ADH1B: variants seen among roughly 807,000 people sequenced by gnomAD.
ADH1B encodes the protein alcohol dehydrogenase 1B (class I), beta polypeptide, also known as all-trans-retinol dehydrogenase [NAD(+)] ADH1B.
ADH1B carries 29 observed loss-of-function variants against 34.6 expected under a neutral mutation model. The ratio of observed to expected loss-of-function variants is 0.84; its 90% confidence interval spans 0.62 to 1.14. ADH1B has a LOEUF of 1.14. Ranked by LOEUF, ADH1B falls within the 50% of genes most tolerant of loss-of-function variation. The pLI is 0.00. For synonymous variants in ADH1B, 170 were observed against 175.5 expected (o/e 0.97, Z 0.25); for missense variants, 424 against 468.4 (o/e 0.91, Z 0.87).
chr4:99,316,361 G>T (rs1222730909), intron 3 of ADH1B, 59 bp from the exon 4 acceptor site: 5 of 1,510,628 alleles, frequency 3.3e-6, no homozygotes, highest in Non-Finnish European at 4.6e-6. Context: ...ATAGAGCAAA[G>T]ACTTAAAGCT....
Position 99,307,108 on chromosome 4 carries a change from T to C in ADH1B, c.*732A>G, listed in dbSNP as rs1013991964. ...AAAATTACAGATTTTTTGAACATGA[T>C]TCTGGGAATAGTTCAGTTTTTACAA... On this transcript the variant is annotated 3_prime_UTR_variant, in exon 9 of 9. Transcript: ENST00000305046. 1 of 152,220 alleles carries C rather than the reference T, an allele frequency of 6.6e-6. No individual in the cohort carries two copies. Among genetic ancestry groups the C allele is most frequent in the Non-Finnish European group, 1.5e-5 (1 of 68,044 alleles). 9.4% of individuals were successfully genotyped at this position (152,220 alleles called of 1,614,324 possible).
chr4:99,315,749 T>A, intron 5 of ADH1B, 149 bp downstream of exon 5: 1 of 871,806 alleles, frequency 1.1e-6, no homozygotes, highest in Non-Finnish European at 1.8e-6. Context: ...TTCTAGCATG[T>A]GTACTCAATT....
At chr4:99,312,219 GT>G (rs1733770715) in intron 6 of ADH1B, among the ~76,000 whole-genome samples, 1 of 152,172 alleles carries the variant, frequency 6.6e-6, no homozygotes. Flanking sequence ...ATAATGATTA[GT>G]TCTTTGATTT....
At chr4:99,320,182 T>C (rs975646940) in intron 1 of ADH1B, 4 of 152,128 alleles carry the variant, frequency 2.6e-5, no homozygotes, top group Non-Finnish European at 5.9e-5. Flanking sequence ...TATGTAGTCT[T>C]TTATGTCTTA....
Position 99,311,616 on chromosome 4 carries a change from C to T in ADH1B, c.869G>A (p.Ser290Asn), listed in dbSNP as rs201408613. 135 of 1,613,892 alleles carry T rather than the reference C, an allele frequency of 8.4e-5. No individual in the cohort carries two copies. Among genetic ancestry groups the T allele is most frequent in the Middle Eastern group, 8.2e-4 (5 of 6,082 alleles). ...LLCCHEACGT[S>N]VIVGVPPASQ... ...AGCAGGAGGTACCCCTACGATGACG[C>T]TTGTGCCACATGCCTCATGACAACA... Residue 290 changes from serine to asparagine, a missense_variant, in exon 7 of 9, where the codon AGC (serine) becomes AAC (asparagine). This residue lies in a region of ADH1B where 130 missense variants were observed against 151.8 expected (regional missense o/e 0.86). Transcript: ENST00000305046.
chr4:99,311,916 C>T (rs1733764224), intron 6 of ADH1B, among the ~76,000 whole-genome samples: 1 of 152,072 alleles, frequency 6.6e-6, no homozygotes, highest in African/African-American at 2.4e-5. Context: ...ATTTTGAACC[C>T]AGTACTTTCA....
At chr4:99,318,439 T>C (rs142801387) in intron 2 of ADH1B, 105 of 547,904 alleles carry the variant, frequency 1.9e-4, no homozygotes, top group African/African-American at 1.8e-3. Flanking sequence ...TTAAGTCTTA[T>C]GTAAGAATGC....
chr4:99,305,558 A>AGT lies in ADH1B; in HGVS notation c.*2280_*2281dup, dbSNP rs200643778. On this transcript the variant is annotated 3_prime_UTR_variant, in exon 9 of 9. Coordinates refer to ENST00000305046, the MANE Select transcript of ADH1B (RefSeq NM_000668.6). ...TAACTATATGAACCACTTGCCCCAT[A>AGT]GTGTATATATATATATATATATATA... 369 of 52,566 alleles carry AGT rather than the reference A, an allele frequency of 7.0e-3. 33 individuals are homozygous for AGT. Among genetic ancestry groups the AGT allele is most frequent in the African/African-American group, 0.036 (337 of 9,284 alleles). The allele number at this position is 52,566 out of a possible 1,614,324, so 3.3% of individuals were successfully genotyped here.
At chr4:99,318,462 AT>A in intron 2 of ADH1B, 1 of 526,092 alleles carries the variant, frequency 1.9e-6, no homozygotes, top group Non-Finnish European at 3.3e-6. Flanking sequence ...GCTTTAAAAA[AT>A]AGAAGTAGAA....
intron 7 of ADH1B, 145 bp from the exon 8 acceptor site, chr4:99,311,048 A>G: frequency 1.0e-6 from 1 of 990,990 alleles, no homozygotes; most frequent in Non-Finnish European, 1.5e-6. Context: ...ACAGTACTTC[A>G]ATATGCTTTT....
intron 5 of ADH1B, chr4:99,314,524 C>T (rs1466214313): frequency 5.9e-6 from 1 of 168,370 alleles, no homozygotes; most frequent in Non-Finnish European, 1.3e-5. Flanking sequence ...CATACATACA[C>T]AACGGCAATA....
intron 8 of ADH1B, among the ~76,000 whole-genome samples, chr4:99,308,684 A>G (rs558753996): frequency 6.6e-6 from 1 of 152,198 alleles, no homozygotes; most frequent in African/African-American, 2.4e-5. Flanking sequence ...TTTTTAACAT[A>G]TATATGTATA....
chr4:99,317,770 T>G (rs985217557), intron 3 of ADH1B: 1 of 432,168 alleles, frequency 2.3e-6, no homozygotes, highest in Non-Finnish European at 4.1e-6. Flanking sequence ...AGGCACTGTG[T>G]CTCTTTTGAT....
Position 99,320,907 on chromosome 4 carries a change from C to T in ADH1B, c.18+407G>A, listed in dbSNP as rs752286085. On this transcript the variant is annotated intron_variant, in intron 1 of 8. Coordinates refer to ENST00000305046, the MANE Select transcript of ADH1B (RefSeq NM_000668.6). Reference sequence around the variant, plus strand: ...TTCCTCTCATCAAACTTCTGTCAGACAACTTTCCTGTGTTCATAAAAAATT... The same window carrying T: ...TTCCTCTCATCAAACTTCTGTCAGATAACTTTCCTGTGTTCATAAAAAATT... 3 of 1,271,782 alleles carry T rather than the reference C, an allele frequency of 2.4e-6. No homozygotes were observed. In the South Asian group the frequency reaches 3.9e-5, roughly 17 times the overall value. 78.8% of individuals were successfully genotyped at this position (1,271,782 alleles called of 1,614,324 possible).
chr4:99,309,495 T>G (rs1027778162), intron 8 of ADH1B, among the ~76,000 whole-genome samples: 7 of 152,186 alleles, frequency 4.6e-5, no homozygotes. Flanking sequence ...TGACTTCTTA[T>G]GTTGCTCAAC....
chr4:99,317,787 A>AT (rs1290719111), intron 3 of ADH1B: 1 of 475,530 alleles, frequency 2.1e-6, no homozygotes, highest in Admixed American at 4.0e-5. Context: ...TGATCCTCAC[A>AT]TATCTCCAGG....
At chr4:99,310,314 T>C (rs1450808228) in intron 8 of ADH1B, 1 of 443,626 alleles carries the variant, frequency 2.3e-6, no homozygotes, top group Non-Finnish European at 4.5e-6. Flanking sequence ...ACAATCCCAA[T>C]GTAGTTCCAC....
chr4:99,318,126 G>A lies in ADH1B; in HGVS notation c.179C>T (p.Thr60Ile). The A allele has an allele frequency of 3.1e-6, 5 of 1,614,070 alleles. No individual in the cohort carries two copies. Among genetic ancestry groups the A allele is most frequent in the Non-Finnish European group, 4.2e-6 (5 of 1,179,990 alleles). ...ATGGCCTAAAATCACAGGAAGGGGG[G>A]TCACCAGGTTGCCACTAACCACGTG... is the stretch of plus-strand genomic sequence containing the variant. ...DDHVVSGNLV[T>I]PLPVILGHEA... Residue 60 changes from threonine to isoleucine, a missense_variant, in exon 3 of 9, where the codon ACC becomes ATC. Thr to Ile is a moderately conservative substitution (Grantham distance 89, BLOSUM62 -1). Coordinates refer to ENST00000305046, the MANE Select transcript of ADH1B (RefSeq NM_000668.6).
chr4:99,318,192 A>AAG lies in ADH1B; in HGVS notation c.121-9_121-8insCT. ...GATTCCTACAGCCACCATCTACAGA[A>AAG]TAAAGAGAAGCTGTTCAGATTCAGA... On this transcript the variant is annotated splice_polypyrimidine_tract_variant and intron_variant, in intron 2 of 8. Transcript: ENST00000305046. 6.2e-7 allele frequency: 1 copy of AAG among 1,613,952 alleles called. No homozygotes were observed. The highest frequency in any genetic ancestry group is 1.1e-5 in the South Asian group (1 of 91,034).
Sources: allele counts gnomAD v4.1 joint callset (sites outside exome capture counted in the v4.1 genomes callset), GRCh38; gene constraint gnomAD v4.1.1; regional missense constraint gnomAD v4.1.1; transcripts MANE v1.5; gene names NCBI Gene and HGNC (gene_info 2026-07-23, HGNC 2026-07-21).